NPNT: variants seen among roughly 807,000 people sequenced by gnomAD.
The protein encoded by NPNT is preosteoblast EGF-like repeat protein with MAM domain.
A neutral mutation model predicts 68.6 loss-of-function variants in NPNT; 45 were observed. That is an observed-to-expected ratio of 0.66 (90% CI 0.52 to 0.84). NPNT has a LOEUF of 0.84. Among genes scored for constraint, NPNT ranks in the 40% least tolerant of loss-of-function variants. NPNT has a pLI of 0.00. For synonymous variants in NPNT, 233 were observed against 253.3 expected (o/e 0.92, Z 0.76); for missense variants, 672 against 714.8 (o/e 0.94, Z 0.68).
chr4:105,954,442 A>G (rs997850907), intron 8 of NPNT, among the ~76,000 whole-genome samples: 1 of 151,920 alleles, frequency 6.6e-6, no homozygotes, highest in African/African-American at 2.4e-5. Flanking sequence ...TATGACACCC[A>G]CTCTCACCTT....
intron 10 of NPNT, among the ~76,000 whole-genome samples, chr4:105,962,240 G>A (rs1731774208): frequency 6.6e-6 from 1 of 152,194 alleles, no homozygotes; most frequent in Admixed American, 6.5e-5. Context: ...GAAGAATAGA[G>A]TTGGTCACTT....
chr4:105,963,320 A>G (rs1462393176), intron 10 of NPNT, among the ~76,000 whole-genome samples: 2 of 152,208 alleles, frequency 1.3e-5, no homozygotes, highest in East Asian at 1.9e-4. Flanking sequence ...ATAAAAGAAT[A>G]TGTGTTTGGA....
At chr4:105,942,136 T>TATATATACATATAGAC (rs140603677) in intron 7 of NPNT, among the ~76,000 whole-genome samples, 171 bp from the exon 8 acceptor site, 59 of 147,782 alleles carry the variant, frequency 4.0e-4, no homozygotes, top group African/African-American at 1.3e-3. Flanking sequence ...TATATATATA[T>TATATATACATATAGAC]ACACACATAT....
At chr4:105,961,183 G>C (rs1336018367) in intron 10 of NPNT, among the ~76,000 whole-genome samples, 1 of 152,086 alleles carries the variant, frequency 6.6e-6, no homozygotes, top group Non-Finnish European at 1.5e-5. Flanking sequence ...ACTCATGCAG[G>C]CTCCTAGACA....
chr4:105,913,370 GC>G (rs1418630947), intron 2 of NPNT, among the ~76,000 whole-genome samples: 1 of 152,174 alleles, frequency 6.6e-6, no homozygotes, highest in Non-Finnish European at 1.5e-5. Context: ...TAGAGCTATG[GC>G]TTACATTAGG....
intron 8 of NPNT, among the ~76,000 whole-genome samples, chr4:105,957,744 T>C (rs895618371): frequency 6.6e-6 from 1 of 152,156 alleles, no homozygotes; most frequent in Non-Finnish European, 1.5e-5. Flanking sequence ...TGATTCTGCC[T>C]GGGGCAGAAT....
intron 2 of NPNT, among the ~76,000 whole-genome samples, chr4:105,907,511 G>T (rs1003089398): frequency 1.3e-5 from 2 of 152,088 alleles, no homozygotes; most frequent in Non-Finnish European, 2.9e-5. Flanking sequence ...AGTTAGCATT[G>T]CCAGGGCCGA....
chr4:105,898,596 G>A (rs1726151915), intron 2 of NPNT, among the ~76,000 whole-genome samples: 1 of 151,930 alleles, frequency 6.6e-6, no homozygotes, highest in African/African-American at 2.4e-5. Context: ...GTTTTAAATG[G>A]ACCACCCAGT....
At chr4:105,900,682 A>G (rs1726326404) in intron 2 of NPNT, among the ~76,000 whole-genome samples, 3 of 152,036 alleles carry the variant, frequency 2.0e-5, no homozygotes, top group African/African-American at 4.8e-5. Flanking sequence ...CAGAGATGCT[A>G]CTCAAATGGG....
intron 3 of NPNT, 114 bp from the exon 4 acceptor site, chr4:105,936,895 C>T (rs1417707536): frequency 9.9e-7 from 1 of 1,006,536 alleles, no homozygotes. Flanking sequence ...ATGACAGTTA[C>T]TGTAGCTTGA....
intron 1 of NPNT, among the ~76,000 whole-genome samples, chr4:105,897,150 AG>A: frequency 6.6e-6 from 1 of 152,344 alleles, no homozygotes; most frequent in African/African-American, 2.4e-5. Context: ...GAAACAATTT[AG>A]CAAATAATGT....
At chr4:105,917,648 G>A (rs1040093604) in intron 2 of NPNT, among the ~76,000 whole-genome samples, 1 of 152,192 alleles carries the variant, frequency 6.6e-6, no homozygotes, top group African/African-American at 2.4e-5. Context: ...AAGAGGGTAT[G>A]AACTCAGCAT....
At chr4:105,921,276 G>A (rs114518368) in intron 2 of NPNT, among the ~76,000 whole-genome samples, 1,758 of 152,096 alleles carry the variant, frequency 0.012, 39 homozygotes, top group African/African-American at 0.04. Context: ...GGACTTTCTG[G>A]TCTTTTTCTG....
At chr4:105,961,052 C>T (rs185549040) in intron 10 of NPNT, among the ~76,000 whole-genome samples, 1 of 152,216 alleles carries the variant, frequency 6.6e-6, no homozygotes, top group African/African-American at 2.4e-5. Flanking sequence ...ATCATTCACT[C>T]GAGGAGCAAA....
chr4:105,937,335 A>C (rs1350531455), intron 4 of NPNT, among the ~76,000 whole-genome samples: 1 of 152,114 alleles, frequency 6.6e-6, no homozygotes, highest in African/African-American at 2.4e-5. Context: ...GCCAATATTA[A>C]ATTGATTAGG....
At chr4:105,942,740 C>T (rs1357416193) in intron 8 of NPNT, 38 bp downstream of exon 8, 23 of 1,542,136 alleles carry the variant, frequency 1.5e-5, no homozygotes, top group African/African-American at 2.8e-5. Flanking sequence ...TCAATAGGCT[C>T]TTTATAATGA....
chr4:105,943,826 G>A (rs1730172075), intron 8 of NPNT, among the ~76,000 whole-genome samples: 1 of 151,966 alleles, frequency 6.6e-6, no homozygotes, highest in Non-Finnish European at 1.5e-5. Flanking sequence ...TTTATCAGGT[G>A]AAAAAAATAC....
At position 105,898,371 on chromosome 4, in the gene NPNT, TC is replaced by T. The variant is rs1560882056; in HGVS notation, c.172+371del. Among the ~76,000 whole-genome samples the T allele has an allele frequency of 4.9e-3, 622 of 128,134 alleles. 9 individuals are homozygous for T. The highest frequency in any genetic ancestry group is 0.021 in the African/African-American group (548 of 26,534). The allele number at this position is 128,134 out of a possible 152,430, so 84.1% of individuals were successfully genotyped here. On this transcript the variant is annotated intron_variant, in intron 2 of 11. Transcript: ENST00000379987. ...CTCTCTCTCTCTCTCTCTCTCTCTC[TC>T]TCTCTCTCGCTGACTCGCTTGCTCC...
Position 105,967,305 on chromosome 4 carries a change from A to C in NPNT, c.1463A>C (p.Lys488Thr). ...SGDLCLSFRH[K>T]VTGLHSGTLQ... is the part of the protein sequence containing the mutation. ...GACCTGTGCCTGTCATTCAGGCACA[A>C]GGTGACGGGGCTGCACTCTGGCACA... Residue 488 changes from lysine (K) to threonine (T), a missense_variant, in exon 11 of 12, where the codon AAG becomes ACG. By Grantham distance (78) the Lys-to-Thr change is moderately conservative. Coordinates refer to ENST00000379987, the MANE Select transcript of NPNT (RefSeq NM_001033047.3). 3.1e-6 allele frequency: 5 copies of C among 1,614,012 alleles called. No individual in the cohort carries two copies. The highest frequency in any genetic ancestry group is 3.4e-6 in the Non-Finnish European group (4 of 1,179,986).
Sources: allele counts gnomAD v4.1 joint callset (sites outside exome capture counted in the v4.1 genomes callset), GRCh38; gene constraint gnomAD v4.1.1; transcripts MANE v1.5; gene names NCBI Gene and HGNC (gene_info 2026-07-23, HGNC 2026-07-21).